CDK6: variants seen among roughly 807,000 people sequenced by gnomAD.
CDK6 encodes cyclin dependent kinase 6.
A neutral mutation model predicts 37.1 loss-of-function variants in CDK6; 6 were observed. The ratio of observed to expected loss-of-function variants is 0.16; its 90% CI spans 0.09 to 0.32. The LOEUF (loss-of-function observed/expected upper bound fraction) is 0.32, where lower values mean the gene tolerates loss of function less well. CDK6 is among the 10% of genes least tolerant of loss of function. The probability of loss-of-function intolerance (pLI) is 1.00; values close to 1 mark genes in which losing one functional copy is unlikely to be tolerated. For synonymous variants in CDK6, 160 were observed against 161.3 expected (o/e 0.99, Z 0.06); for missense variants, 224 against 418.9 (o/e 0.53, Z 4.06).
rs772029119 is a variant in CDK6, at chr7:92,615,003, C to A, written c.*137G>T. On this transcript the variant is annotated 3_prime_UTR_variant, in exon 8 of 8. Transcript: ENST00000424848. ...AAACTAGGCGGTTTCCTTGGAGAAGCAGAGCCTGTCCAGAAGACAGCAGCT... is the reference window on the plus strand; with the variant it reads ...AAACTAGGCGGTTTCCTTGGAGAAGAAGAGCCTGTCCAGAAGACAGCAGCT... The A allele has an allele frequency of 1.3e-5, 10 of 780,898 alleles. No individual in the cohort carries two copies. The highest frequency in any genetic ancestry group is 2.0e-5 in the Non-Finnish European group (10 of 494,772). The allele number at this position is 780,898 out of a possible 1,614,324, so 48.4% of individuals were successfully genotyped here.
At chr7:92,706,115 A>T (rs924290678) in intron 4 of CDK6, among the ~76,000 whole-genome samples, 13 of 152,260 alleles carry the variant, frequency 8.5e-5, no homozygotes, top group Admixed American at 5.9e-4. Flanking sequence ...ACAATGAGTC[A>T]CTTATTCACT....
chr7:92,761,032 TCTC>T (rs1799442837), intron 3 of CDK6, among the ~76,000 whole-genome samples: 1 of 152,072 alleles, frequency 6.6e-6, no homozygotes, highest in African/African-American at 2.4e-5. Flanking sequence ...AACTGGGTAA[TCTC>T]CTTTTTCTTA....
At chr7:92,678,940 G>A (rs1366820167) in intron 4 of CDK6, among the ~76,000 whole-genome samples, 2 of 152,178 alleles carry the variant, frequency 1.3e-5, no homozygotes, top group Admixed American at 1.3e-4. Context: ...CAAAGTCAAT[G>A]TCCATCTCAG....
rs1316336463 is a variant in CDK6, at chr7:92,833,042, C to T, written c.233+49G>A. On this transcript the variant is annotated intron_variant, in intron 2 of 7. Transcript: ENST00000424848. The surrounding 1 kb of genome is among the most constrained non-coding windows in gnomAD (Gnocchi z 6.1). ...CCTGAGGATTCCCGGCTCGGCCCTC[C>T]CCGCGCGCGCGAGGCCCCAGATGGC... is the stretch of plus-strand genomic sequence containing the variant. The T allele has an allele frequency of 7.2e-7, 1 of 1,379,458 alleles. No homozygotes were observed. The highest frequency in any genetic ancestry group is 2.0e-5 in the Admixed American group (1 of 49,068). 85.5% of individuals were successfully genotyped at this position (1,379,458 alleles called of 1,614,324 possible). A position where few individuals can be genotyped will look rare whatever the true frequency, so the allele number is the denominator to read the frequency against.
At chr7:92,728,380 T>C (rs1387817009) in intron 3 of CDK6, among the ~76,000 whole-genome samples, 1 of 152,224 alleles carries the variant, frequency 6.6e-6, no homozygotes, top group Non-Finnish European at 1.5e-5. Context: ...TGGTTATTAT[T>C]CTGTACACAT....
chr7:92,734,552 C>T (rs1444111043), intron 3 of CDK6, among the ~76,000 whole-genome samples: 1 of 152,190 alleles, frequency 6.6e-6, no homozygotes, highest in East Asian at 1.9e-4. Flanking sequence ...GGCCTCCCAC[C>T]ACATTGTACT....
intron 6 of CDK6, 191 bp from the exon 7 acceptor site, chr7:92,618,398 G>A: frequency 1.9e-6 from 1 of 535,528 alleles, no homozygotes; most frequent in Non-Finnish European, 3.3e-6. Context: ...TGGGGGAGAG[G>A]GTAATCTCAC....
chr7:92,695,282 A>AAAAG (rs548127829), intron 4 of CDK6, among the ~76,000 whole-genome samples: 14,265 of 149,808 alleles, frequency 0.095, 1,431 homozygotes, highest in East Asian at 0.32. Flanking sequence ...AAAAAAAAAA[A>AAAAG]AAAGAAAGAA....
intron 3 of CDK6, among the ~76,000 whole-genome samples, chr7:92,739,441 C>T (rs762560568): frequency 6.6e-6 from 1 of 152,236 alleles, no homozygotes; most frequent in Non-Finnish European, 1.5e-5. Flanking sequence ...TTTACTCCCA[C>T]CAAAACCTGT....
rs1027416101 is a variant in CDK6 at position 92,606,691 on chromosome 7, C to G, written c.*8449G>C. On this transcript the variant is annotated 3_prime_UTR_variant, in exon 8 of 8. Transcript: ENST00000424848. ...CTATTATAAGTCAGAAGGAAAAAAG[C>G]TTACTGTATGTGACAGTCTTCCTGA... is the stretch of plus-strand genomic sequence containing the variant. 1.7e-5 allele frequency: 4 copies of G among 232,622 alleles called. No homozygotes were observed. Among genetic ancestry groups the G allele is most frequent in the Non-Finnish European group, 3.4e-5 (4 of 117,940 alleles). 14.4% of individuals were successfully genotyped at this position (232,622 alleles called of 1,614,324 possible). A position where few individuals can be genotyped will look rare whatever the true frequency, so the allele number is the denominator to read the frequency against.
rs1035459503 is a variant in CDK6, at chr7:92,833,455, C to G, written c.-132G>C. The G allele has an allele frequency of 1.6e-6, 1 of 641,932 alleles. No individual in the cohort carries two copies. Among genetic ancestry groups the G allele is most frequent in the East Asian group, 3.1e-5 (1 of 32,786 alleles). The allele number at this position is 641,932 out of a possible 1,614,324, so 39.8% of individuals were successfully genotyped here. A position where few individuals can be genotyped will look rare whatever the true frequency, so the allele number is the denominator to read the frequency against. On this transcript the variant is annotated 5_prime_UTR_variant, in exon 2 of 8. Transcript: ENST00000424848. The surrounding 1 kb of genome is among the most constrained non-coding windows in gnomAD (Gnocchi z 6.1). ...TAGCTTTACTTGCTCCCCGCCGGCT[C>G]AGGCGCTCGGGCGCTGGGGCTTTCG...
chr7:92,741,193 C>T (rs560713355), intron 3 of CDK6, among the ~76,000 whole-genome samples: 171 of 152,100 alleles, frequency 1.1e-3, no homozygotes, highest in Non-Finnish European at 1.9e-3. Context: ...CTAGATAAAT[C>T]GACAGAGAAA....
intron 2 of CDK6, among the ~76,000 whole-genome samples, chr7:92,828,244 T>A (rs1017500115): frequency 6.6e-6 from 1 of 152,324 alleles, no homozygotes; most frequent in East Asian, 1.9e-4. Flanking sequence ...CAGTATGGCA[T>A]ACTGCAGAAT....
intron 5 of CDK6, 101 bp downstream of exon 5, chr7:92,671,325 C>G (rs1032013907): frequency 4.3e-6 from 3 of 700,442 alleles, no homozygotes; most frequent in Non-Finnish European, 6.8e-6. Flanking sequence ...ATCTGGCCAT[C>G]ATGACCCCTA....
intron 5 of CDK6, among the ~76,000 whole-genome samples, chr7:92,659,186 A>G (rs1330633023): frequency 5.9e-5 from 9 of 152,184 alleles, no homozygotes; most frequent in Admixed American, 5.9e-4. Flanking sequence ...TCTTTAATTT[A>G]TCCTTTTATT....
intron 3 of CDK6, among the ~76,000 whole-genome samples, chr7:92,761,699 T>A (rs923072217): frequency 6.6e-6 from 1 of 152,198 alleles, no homozygotes; most frequent in Non-Finnish European, 1.5e-5. Context: ...ATGAACCATA[T>A]GTTAATTATA....
At chr7:92,759,595 G>C (rs1384068955) in intron 3 of CDK6, among the ~76,000 whole-genome samples, 1 of 150,018 alleles carries the variant, frequency 6.7e-6, no homozygotes, top group Admixed American at 6.7e-5. Context: ...TTCTGCAAGT[G>C]ATGTGTCCTC....
chr7:92,706,893 C>T (rs541863776), intron 4 of CDK6, among the ~76,000 whole-genome samples: 16 of 152,142 alleles, frequency 1.1e-4, no homozygotes, highest in Non-Finnish European at 2.1e-4. Flanking sequence ...GGAAAAAATA[C>T]ATTTTATTTT....
chr7:92,700,305 A>G (rs1282390988), intron 4 of CDK6, among the ~76,000 whole-genome samples: 1 of 152,230 alleles, frequency 6.6e-6, no homozygotes, highest in Non-Finnish European at 1.5e-5. Context: ...CATTCTGGTA[A>G]CTGTGTAGGA....
Sources: gnomAD v4.1 joint callset for allele counts (sites outside exome capture counted in the v4.1 genomes callset) on GRCh38, gnomAD v4.1.1 for gene constraint, Gnocchi (gnomAD v3.1) non-coding constraint, MANE v1.5 for transcripts, NCBI Gene and HGNC (gene_info 2026-07-23, HGNC 2026-07-21) for gene names.